THSD7A: variants seen among roughly 807,000 people sequenced by gnomAD.
THSD7A encodes thrombospondin type-1 domain-containing protein 7A.
In THSD7A, 96 loss-of-function variants were observed where a neutral mutation model predicts 231.3. That is an observed-to-expected ratio of 0.41 (90% CI 0.35 to 0.49). The LOEUF (loss-of-function observed/expected upper bound fraction) is 0.49, where lower values mean the gene tolerates loss of function less well. Among genes scored for constraint, THSD7A ranks in the 20% least tolerant of loss-of-function variants. THSD7A has a pLI of 0.05. For synonymous variants in THSD7A, 940 were observed against 743.3 expected, an observed-to-expected ratio of 1.26 and a Z score of -4.30; for missense variants, 2,290 against 2,070.2, an observed-to-expected ratio of 1.11 and a Z score of -2.06.
intron 1 of THSD7A, among the ~76,000 whole-genome samples, chr7:11,786,070 A>ATTT (rs1408948571): frequency 8.6e-5 from 13 of 151,074 alleles, no homozygotes; most frequent in Admixed American, 7.9e-4. Context: ...AATTTGTTTT[A>ATTT]TGAATCATTC....
At chr7:11,662,391 TC>T (rs1178161636) in intron 1 of THSD7A, among the ~76,000 whole-genome samples, 1 of 151,362 alleles carries the variant, frequency 6.6e-6, no homozygotes, top group Non-Finnish European at 1.5e-5. Flanking sequence ...CCTAATAACA[TC>T]TGATCTCAAA....
intron 1 of THSD7A, among the ~76,000 whole-genome samples, chr7:11,706,516 G>T (rs1174274612): frequency 6.7e-6 from 1 of 150,324 alleles, no homozygotes; most frequent in Non-Finnish European, 1.5e-5. Flanking sequence ...GGCAAGACAC[G>T]TGTGTTTGTG....
intron 4 of THSD7A, among the ~76,000 whole-genome samples, chr7:11,555,823 T>G (rs1180590309): frequency 6.6e-6 from 1 of 151,842 alleles, no homozygotes; most frequent in Non-Finnish European, 1.5e-5. Context: ...TATATAATTA[T>G]ATAATATCTT....
At chr7:11,628,625 T>A (rs1781550564) in intron 2 of THSD7A, among the ~76,000 whole-genome samples, 1 of 152,206 alleles carries the variant, frequency 6.6e-6, no homozygotes, top group Non-Finnish European at 1.5e-5. Context: ...ATTATTTCTA[T>A]AATAAAATGT....
intron 1 of THSD7A, among the ~76,000 whole-genome samples, chr7:11,778,850 G>T (rs1296195283): frequency 3.9e-5 from 6 of 151,996 alleles, no homozygotes; most frequent in Non-Finnish European, 8.8e-5. Flanking sequence ...ACAAATAAAT[G>T]TATAACATCC....
In THSD7A at chr7:11,590,685, T is replaced by A. The variant is rs1156826242; in HGVS notation, c.1272-44A>T. On this transcript the variant is annotated intron_variant, in intron 3 of 27. Coordinates refer to ENST00000423059, the MANE Select transcript of THSD7A (RefSeq NM_015204.3). This position sits in a 1 kb window ranked among gnomAD's most constrained non-coding sequence, Gnocchi z 4.4. ...ACCAGCAGCAACCATAATTATTGAA[T>A]GACGTGTTTCTCTACTCCTGTCATA... 4 of 1,550,566 alleles carry A rather than the reference T, an allele frequency of 2.6e-6. No homozygotes were observed. The highest frequency in any genetic ancestry group is 3.5e-6 in the Non-Finnish European group (4 of 1,149,354).
Position 11,376,053 on chromosome 7 carries a change from A to G in THSD7A, c.4890-175T>C, listed in dbSNP as rs116992911. Among the ~76,000 whole-genome samples, 350 of 152,204 alleles carry G rather than the reference A, an allele frequency of 2.3e-3. 5 individuals are homozygous for G. The East Asian group carries it at 0.055, about 24-fold the overall frequency. ...TTTTCTGATCTTGAATTTCAGTTTTATGCTTTGAATAAACTCTAAGTAAAC... is the reference window on the plus strand; with the variant it reads ...TTTTCTGATCTTGAATTTCAGTTTTGTGCTTTGAATAAACTCTAAGTAAAC... On this transcript the variant is annotated intron_variant, in intron 27 of 27. Coordinates refer to ENST00000423059, the MANE Select transcript of THSD7A (RefSeq NM_015204.3).
intron 4 of THSD7A, among the ~76,000 whole-genome samples, chr7:11,555,525 G>A (rs1005405087): frequency 6.6e-6 from 1 of 151,862 alleles, no homozygotes; most frequent in Non-Finnish European, 1.5e-5. Flanking sequence ...GAAAGAAGGT[G>A]AATTCTGCTG....
At chr7:11,722,346 T>C (rs2128153556) in intron 1 of THSD7A, among the ~76,000 whole-genome samples, 1 of 152,032 alleles carries the variant, frequency 6.6e-6, no homozygotes, top group Admixed American at 6.6e-5. Context: ...TATAATCATT[T>C]ACTGTGCCAG....
At chr7:11,486,362 A>G (rs1786656883) in intron 6 of THSD7A, among the ~76,000 whole-genome samples, 1 of 152,330 alleles carries the variant, frequency 6.6e-6, no homozygotes, top group South Asian at 2.1e-4. Context: ...AGGTTAATTT[A>G]TACTCCTCTA....
Position 11,474,550 on chromosome 7 carries a change from T to G in THSD7A, c.2036A>C (p.Asn679Thr), listed in dbSNP as rs543681816. ...TCGTACTTCTTGCAAAGCACTGCTA[T>G]TTGGACAGCGAATTCCACCTAAAAA... ...AGEEGGIRCP[N>T]SSALQEVRSC... The change falls in exon 8 of 28, where the codon AAT becomes ACT. Residue 679 changes from asparagine to threonine, a missense_variant. Asn to Thr is a moderately conservative substitution (Grantham distance 65, BLOSUM62 0). Coordinates refer to ENST00000423059, the MANE Select transcript of THSD7A (RefSeq NM_015204.3). This position sits in a 1 kb window ranked among gnomAD's most constrained non-coding sequence, Gnocchi z 4.1. 6.3e-7 allele frequency: 1 copy of G among 1,593,484 alleles called. No homozygotes were observed. Among genetic ancestry groups the G allele is most frequent in the African/African-American group, 1.3e-5 (1 of 74,598 alleles).
chr7:11,713,534 A>G (rs1317754919), intron 1 of THSD7A, among the ~76,000 whole-genome samples: 2 of 151,310 alleles, frequency 1.3e-5, no homozygotes, highest in East Asian at 2.0e-4. Flanking sequence ...AGGTATACAC[A>G]GAATACAAGG....
At chr7:11,747,958 G>T (rs1296615034) in intron 1 of THSD7A, among the ~76,000 whole-genome samples, 2 of 151,940 alleles carry the variant, frequency 1.3e-5, no homozygotes, top group East Asian at 3.9e-4. Context: ...GTGTATGCAG[G>T]TTGCTGATAA....
At chr7:11,380,737 T>G (rs1345527305) in intron 24 of THSD7A, among the ~76,000 whole-genome samples, 2 of 152,162 alleles carry the variant, frequency 1.3e-5, no homozygotes, top group Non-Finnish European at 2.9e-5. Context: ...GCTTGTCTAT[T>G]TGTCATAAAG....
chr7:11,811,017 T>C (rs1011602313), intron 1 of THSD7A, among the ~76,000 whole-genome samples: 1 of 152,198 alleles, frequency 6.6e-6, no homozygotes, highest in South Asian at 2.1e-4. Flanking sequence ...AAAATGAAGA[T>C]GCTGAACTTC....
chr7:11,535,740 T>C (rs1398781439), intron 6 of THSD7A, among the ~76,000 whole-genome samples: 1 of 152,144 alleles, frequency 6.6e-6, no homozygotes, highest in African/African-American at 2.4e-5. Context: ...TTGTAATTTG[T>C]GTTAAGAAGT....
At chr7:11,520,428 T>A (rs1337449921) in intron 6 of THSD7A, among the ~76,000 whole-genome samples, 1 of 152,206 alleles carries the variant, frequency 6.6e-6, no homozygotes, top group Non-Finnish European at 1.5e-5. Flanking sequence ...GTTTTGATAG[T>A]ATGACTTATT....
At chr7:11,791,652 C>G (rs539751766) in intron 1 of THSD7A, among the ~76,000 whole-genome samples, 300 of 151,816 alleles carry the variant, frequency 2.0e-3, no homozygotes, top group Non-Finnish European at 3.5e-3. Context: ...TTTCCTTAGA[C>G]GAAAAGAGAG....
intron 1 of THSD7A, among the ~76,000 whole-genome samples, chr7:11,828,551 TGTGA>T (rs1785096427): frequency 6.6e-6 from 1 of 152,194 alleles, no homozygotes; most frequent in African/African-American, 2.4e-5. Context: ...GTTGTTTAAT[TGTGA>T]GTATCTCCTA....
Sources: gnomAD v4.1 joint callset for allele counts (sites outside exome capture counted in the v4.1 genomes callset) on GRCh38, gnomAD v4.1.1 for gene constraint, Gnocchi (gnomAD v3.1) non-coding constraint, MANE v1.5 for transcripts, NCBI Gene and HGNC (gene_info 2026-07-23, HGNC 2026-07-21) for gene names.